The following KIAA1671 variants were observed in gnomAD, a reference collection of about 807,000 sequenced individuals.
The protein encoded by KIAA1671 is KIAA1671.
KIAA1671 carries 52 observed loss-of-function variants against 131.2 expected under a neutral mutation model. The observed-to-expected ratio is 0.40, with a 90% CI of 0.32 to 0.50. KIAA1671 has a LOEUF of 0.50. Ranked by LOEUF, KIAA1671 falls within the 20% of genes least tolerant of loss-of-function variation. The pLI is 0.73. For synonymous variants in KIAA1671, 1,003 were observed against 961.6 expected (o/e 1.04, Z -0.80); for missense variants, 2,360 against 2,364.2 (o/e 1.00, Z 0.04).
Position 25,029,158 on chromosome 22 carries a change from G to A in KIAA1671, c.1159G>A (p.Glu387Lys). Residue 387 changes from glutamate to lysine, a missense_variant, in exon 3 of 13, where the codon GAA becomes AAA. Glu to Lys is a moderately conservative substitution (Grantham distance 56). Transcript: ENST00000358431. ...CCCCAGCAATGACCAGAGTCCCTGG[G>A]AAGAAAAGGCCAAGCTGGACCCAGA... The part of the protein sequence containing the change: ...VTPSNDQSPW[E>K]EKAKLDPEPE... 6.9e-7 allele frequency: 1 copy of A among 1,456,324 alleles called. No individual in the cohort carries two copies. The highest frequency in any genetic ancestry group is 9.1e-7 in the Non-Finnish European group (1 of 1,101,950). The allele number at this position is 1,456,324 out of a possible 1,614,324, so 90.2% of individuals were successfully genotyped here.
At chr22:25,122,891 T>C (rs952649861) in intron 6 of KIAA1671, among the ~76,000 whole-genome samples, 5 of 151,768 alleles carry the variant, frequency 3.3e-5, no homozygotes, top group African/African-American at 9.7e-5. Context: ...AGGAGAATGG[T>C]GTGAACCCGG....
At chr22:24,962,528 C>A (rs1922069682) in intron 1 of KIAA1671, among the ~76,000 whole-genome samples, 2 of 152,256 alleles carry the variant, frequency 1.3e-5, no homozygotes, top group South Asian at 4.1e-4. Flanking sequence ...AGCTGTGTGG[C>A]CTTATGCAAG....
At chr22:25,042,983 GT>G (rs1239332317) in intron 5 of KIAA1671, among the ~76,000 whole-genome samples, 1 of 152,126 alleles carries the variant, frequency 6.6e-6, no homozygotes, top group African/African-American at 2.4e-5. Flanking sequence ...GCCTGAGGCT[GT>G]TTGTGGGGTC....
At chr22:24,979,373 G>A (rs1162173517) in intron 1 of KIAA1671, among the ~76,000 whole-genome samples, 7 of 133,746 alleles carry the variant, frequency 5.2e-5, no homozygotes, top group East Asian at 2.5e-4. Context: ...TTTTTGAGAC[G>A]GAGTCTCGCT....
At chr22:25,000,204 T>TAAA (rs1569202493) in intron 1 of KIAA1671, among the ~76,000 whole-genome samples, 1 of 81,036 alleles carries the variant, frequency 1.2e-5, no homozygotes, top group African/African-American at 4.9e-5. Flanking sequence ...TTTTTTTTTT[T>TAAA]TTTTTTTGAG....
chr22:25,160,760 G>A (rs1933416587), intron 6 of KIAA1671, among the ~76,000 whole-genome samples: 1 of 152,190 alleles, frequency 6.6e-6, no homozygotes, highest in Admixed American at 6.5e-5. Flanking sequence ...GTTGTCCTTG[G>A]AGCCCACTGA....
chr22:24,973,103 G>C (rs961654396), intron 1 of KIAA1671, among the ~76,000 whole-genome samples: 63 of 152,310 alleles, frequency 4.1e-4, no homozygotes, highest in South Asian at 1.7e-3. Context: ...AGGGAGCAAG[G>C]GGGAGAGGTT....
At chr22:25,061,967 T>C (rs1389612886) in intron 6 of KIAA1671, 2 of 152,256 alleles carry the variant, frequency 1.3e-5, no homozygotes, top group African/African-American at 4.8e-5. Context: ...CCCTCTTCTC[T>C]TCCTCCTGTT....
At chr22:25,062,342 T>C (rs1383967651) in intron 6 of KIAA1671, 2 of 152,336 alleles carry the variant, frequency 1.3e-5, no homozygotes, top group African/African-American at 4.8e-5. Context: ...TCGATTGAAG[T>C]GTACAGCAAT....
intron 6 of KIAA1671, chr22:25,063,932 C>T (rs1384769273): frequency 6.6e-6 from 1 of 152,174 alleles, no homozygotes; most frequent in Non-Finnish European, 1.5e-5. Flanking sequence ...AGGAATGTGG[C>T]TTTTTAGTCT....
chr22:25,172,221 G>T (rs1372337802), intron 7 of KIAA1671, among the ~76,000 whole-genome samples: 1 of 152,074 alleles, frequency 6.6e-6, no homozygotes, highest in East Asian at 1.9e-4. Context: ...TTCCTCTCTC[G>T]GGGTCTCCAT....
At chr22:25,146,516 A>G (rs937928965) in intron 6 of KIAA1671, among the ~76,000 whole-genome samples, 2 of 152,166 alleles carry the variant, frequency 1.3e-5, no homozygotes, top group African/African-American at 4.8e-5. Flanking sequence ...AGTTGTTACC[A>G]TGGGAGATAT....
Position 25,028,261 on chromosome 22 carries a change from T to C in KIAA1671, c.262T>C (p.Ser88Pro), listed in dbSNP as rs1056384171. 1.0e-5 allele frequency: 16 copies of C among 1,551,458 alleles called. No individual in the cohort carries two copies. The highest frequency in any genetic ancestry group is 1.3e-5 in the Non-Finnish European group (15 of 1,147,002). The change falls in exon 3 of 13, where the codon TCG becomes CCG. Residue 88 changes from serine (S) to proline (P), a missense_variant. Around this residue, in one of 3 missense-constraint regions of KIAA1671, gnomAD observed 1,185 missense variants for 1,126.2 expected, o/e 1.05. Transcript: ENST00000358431. ...TCCTGTCCCGTCTCTGCGGCCCAGT[T>C]CGACTGGACCTTCCCCCTCTGGGGG... Reference protein sequence around the residue: ...KSPVPSLRPSSTGPSPSGGLS... With the variant: ...KSPVPSLRPSPTGPSPSGGLS...
intron 11 of KIAA1671, chr22:25,185,370 A>C: frequency 2.2e-6 from 1 of 448,704 alleles, no homozygotes; most frequent in Non-Finnish European, 3.9e-6. Flanking sequence ...CACCTGCTAC[A>C]TGGAACGCCA....
chr22:25,009,171 C>T (rs1924896565), intron 1 of KIAA1671, among the ~76,000 whole-genome samples: 1 of 151,826 alleles, frequency 6.6e-6, no homozygotes, highest in African/African-American at 2.4e-5. Flanking sequence ...TCAGTCTCAA[C>T]CACCCTTTTA....
chr22:25,168,308 G>C (rs1933714241), intron 6 of KIAA1671, among the ~76,000 whole-genome samples: 1 of 152,198 alleles, frequency 6.6e-6, no homozygotes, highest in Non-Finnish European at 1.5e-5. Context: ...CCCACGCCCA[G>C]TTCCCCGGTG....
Position 25,049,374 on chromosome 22 carries a change from G to A in KIAA1671, c.4530+10G>A. ...GAGTGGGCCCTTTGTGGTGAGTGAT[G>A]CAACATGGCTGGAGAGGATTGCACA... On this transcript the variant is annotated intron_variant, in intron 6 of 12. Transcript: ENST00000358431. The A allele has an allele frequency of 6.5e-7, 1 of 1,547,664 alleles. No individual in the cohort carries two copies. The highest frequency in any genetic ancestry group is 8.7e-7 in the Non-Finnish European group (1 of 1,143,700).
intron 6 of KIAA1671, among the ~76,000 whole-genome samples, chr22:25,122,396 A>G (rs1334539099): frequency 6.6e-6 from 1 of 152,074 alleles, no homozygotes; most frequent in Non-Finnish European, 1.5e-5. Context: ...CAATGACCCA[A>G]AAGTTACTAC....
chr22:25,192,365 T>C (rs1433673749), intron 12 of KIAA1671, 41 bp from the exon 13 acceptor site: 1 of 152,168 alleles, frequency 6.6e-6, no homozygotes, highest in East Asian at 1.9e-4. Flanking sequence ...TGGAGCCAAA[T>C]GTTCCCACTG....
Sources: allele counts gnomAD v4.1 joint callset (sites outside exome capture counted in the v4.1 genomes callset), GRCh38; gene constraint gnomAD v4.1.1; regional missense constraint gnomAD v4.1.1; transcripts MANE v1.5; gene names NCBI Gene and HGNC (gene_info 2026-07-23, HGNC 2026-07-21).